The following SOS1 variants were observed in gnomAD, a reference collection of about 807,000 sequenced individuals.
SOS1 encodes son of sevenless homolog 1.
SOS1 carries 25 observed loss-of-function variants against 157.6 expected under a neutral mutation model. The observed-to-expected ratio is 0.16, with a 90% CI of 0.12 to 0.22. SOS1 has a LOEUF of 0.22. Among genes scored for constraint, SOS1 ranks in the 10% least tolerant of loss-of-function variants. The pLI, the probability that SOS1 is intolerant of heterozygous loss-of-function variation, is 1.00. For synonymous variants in SOS1, 528 were observed against 534.0 expected (o/e 0.99, Z 0.16); for missense variants, 1,237 against 1,599.1 (o/e 0.77, Z 3.86).
intron 1 of SOS1, among the ~76,000 whole-genome samples, chr2:39,090,317 A>T (rs1362501203): frequency 4.6e-5 from 7 of 152,058 alleles, no homozygotes; most frequent in African/African-American, 1.7e-4. Context: ...CTCTATGATC[A>T]TTTCTCTTCT....
chr2:39,074,978 G>A (rs566997055), intron 1 of SOS1, among the ~76,000 whole-genome samples: 1 of 152,140 alleles, frequency 6.6e-6, no homozygotes, highest in South Asian at 2.1e-4. Context: ...ACTGGAAGGC[G>A]CAGGTTGTAT....
At chr2:39,111,459 A>G (rs993778702) in intron 1 of SOS1, among the ~76,000 whole-genome samples, 2 of 152,244 alleles carry the variant, frequency 1.3e-5, no homozygotes, top group African/African-American at 4.8e-5. Flanking sequence ...AAAATGAAGT[A>G]CAAAGTTTCT....
At chr2:39,049,197 C>T (rs1460348380) in intron 6 of SOS1, among the ~76,000 whole-genome samples, 2 of 152,318 alleles carry the variant, frequency 1.3e-5, no homozygotes, top group East Asian at 1.9e-4. Context: ...GGATTACAGG[C>T]GTGAGCCACC....
chr2:38,997,044 A>G lies in SOS1; in HGVS notation c.2965-6T>C. Reference sequence around the variant, plus strand: ...TTCAAGTTTTCAAAGAACCTCTAAAATAAATGCAAAGAAAAAATTATTAAT... The same window carrying G: ...TTCAAGTTTTCAAAGAACCTCTAAAGTAAATGCAAAGAAAAAATTATTAAT... On this transcript the variant is annotated splice_region_variant and splice_polypyrimidine_tract_variant and intron_variant, in intron 18 of 22. Coordinates refer to ENST00000402219, the MANE Select transcript of SOS1 (RefSeq NM_005633.4). 2 of 1,413,364 alleles carry G rather than the reference A, an allele frequency of 1.4e-6. No individual in the cohort carries two copies. The highest frequency in any genetic ancestry group is 2.0e-6 in the Non-Finnish European group (2 of 1,002,206). The allele number at this position is 1,413,364 out of a possible 1,614,324, so 87.6% of individuals were successfully genotyped here.
Position 39,013,759 on chromosome 2 carries a change from C to T in SOS1, c.2063+108G>A, listed in dbSNP as rs540475730. 4.0e-6 allele frequency: 4 copies of T among 1,001,150 alleles called. No homozygotes were observed. The Admixed American group carries it at 7.6e-5, about 19-fold the overall frequency. The allele number at this position is 1,001,150 out of a possible 1,614,324, so 62.0% of individuals were successfully genotyped here. A position where few individuals can be genotyped will look rare whatever the true frequency, so the allele number is the denominator to read the frequency against. The stretch of plus-strand genomic sequence containing the variant: ...TGCTCTAATTAGTAAATTTAATTTA[C>T]TAATTTTATTGTCACCCCTCTCCTT... On this transcript the variant is annotated intron_variant, in intron 12 of 22. Transcript: ENST00000402219.
chr2:39,023,567 A>G (rs1332788522), intron 9 of SOS1, among the ~76,000 whole-genome samples: 3 of 152,158 alleles, frequency 2.0e-5, no homozygotes, highest in Non-Finnish European at 4.4e-5. Flanking sequence ...ATTAAAATAA[A>G]TTATTTAGAA....
intron 6 of SOS1, 71 bp downstream of exon 6, chr2:39,051,073 T>C: frequency 7.2e-7 from 1 of 1,386,308 alleles, no homozygotes; most frequent in Non-Finnish European, 1.0e-6. Flanking sequence ...TGGAAAGAAG[T>C]AAGACTCTCA....
chr2:39,107,032 T>C (rs1265241892), intron 1 of SOS1, among the ~76,000 whole-genome samples: 1 of 152,228 alleles, frequency 6.6e-6, no homozygotes, highest in Non-Finnish European at 1.5e-5. Context: ...GTACCATTAA[T>C]TTCAATGAAA....
chr2:39,075,594 A>AGGAGTCCGAGAAGTCTT (rs1475891499), intron 1 of SOS1, among the ~76,000 whole-genome samples: 20 of 151,980 alleles, frequency 1.3e-4, no homozygotes, highest in Admixed American at 1.1e-3. Context: ...ACCTGAGTCT[A>AGGAGTCCGAGAAGTCTT]GGAGTCCGAG....
chr2:39,050,862 T>G (rs942871411), intron 6 of SOS1, among the ~76,000 whole-genome samples: 1 of 152,204 alleles, frequency 6.6e-6, no homozygotes, highest in South Asian at 2.1e-4. Flanking sequence ...TAGTCATTCA[T>G]TGACATTTCT....
chr2:39,005,516 A>G (rs1248849899), intron 17 of SOS1, among the ~76,000 whole-genome samples: 2 of 152,112 alleles, frequency 1.3e-5, no homozygotes, highest in African/African-American at 4.8e-5. Flanking sequence ...AAAATATAAG[A>G]TATGATAAGT....
intron 2 of SOS1, among the ~76,000 whole-genome samples, chr2:39,063,366 GC>G (rs1409162275): frequency 2.0e-5 from 3 of 152,118 alleles, no homozygotes; most frequent in African/African-American, 7.2e-5. Context: ...TTAGTTATAT[GC>G]AAATACTATG....
At chr2:39,073,645 G>A (rs923054065) in intron 1 of SOS1, among the ~76,000 whole-genome samples, 4 of 152,114 alleles carry the variant, frequency 2.6e-5, no homozygotes, top group Non-Finnish European at 5.9e-5. Flanking sequence ...AACTTTATTG[G>A]CTATTATTGC....
intron 3 of SOS1, among the ~76,000 whole-genome samples, chr2:39,057,812 G>T (rs1671264321): frequency 6.6e-6 from 1 of 152,010 alleles, no homozygotes; most frequent in South Asian, 2.1e-4. Context: ...TCAAAGAACT[G>T]AATGCAAAAT....
At chr2:39,090,894 A>T (rs1672568771) in intron 1 of SOS1, among the ~76,000 whole-genome samples, 1 of 151,964 alleles carries the variant, frequency 6.6e-6, no homozygotes, top group African/African-American at 2.4e-5. Context: ...TTTGAAACAG[A>T]GTCTCATTCT....
At chr2:39,091,885 G>A in intron 1 of SOS1, among the ~76,000 whole-genome samples, 1 of 152,070 alleles carries the variant, frequency 6.6e-6, no homozygotes, top group East Asian at 1.9e-4. Context: ...TCTCCTAATG[G>A]TTTACTCCAA....
At position 38,995,249 on chromosome 2, in the gene SOS1, C is replaced by T; in HGVS notation, c.3220G>A (p.Glu1074Lys). 6.2e-7 allele frequency: 1 copy of T among 1,614,092 alleles called. No homozygotes were observed. The highest frequency in any genetic ancestry group is 8.5e-7 in the Non-Finnish European group (1 of 1,179,986). The change falls in exon 20 of 23, where the codon GAA (glutamate) becomes AAA (lysine). Residue 1074 changes from glutamate (E) to lysine (K), a missense_variant. Coordinates refer to ENST00000402219, the MANE Select transcript of SOS1 (RefSeq NM_005633.4). ...SYSRIPESET[E>K]STASAPNSPR... The stretch of plus-strand genomic sequence containing the variant: ...GAATTTGGTGCAGATGCTGTACTTT[C>T]TGTTTCACTTTCAGGGATCCTACTA...
In SOS1 at chr2:39,092,388, T is replaced by C. The variant is rs181274298; in HGVS notation, c.88-24635A>G. The stretch of plus-strand genomic sequence containing the variant: ...CTCCTCCACCAGATTTTTTGCATTA[T>C]TGGCTGCTTCTGAACATTCTGGTCT... On this transcript the variant is annotated intron_variant, in intron 1 of 22. Transcript: ENST00000402219. Among the ~76,000 whole-genome samples the C allele has an allele frequency of 6.1e-4, 93 of 152,288 alleles. 1 individual carries two copies. The highest frequency in any genetic ancestry group is 2.1e-3 in the African/African-American group (87 of 41,560).
chr2:39,078,682 G>A (rs1481913048), intron 1 of SOS1, among the ~76,000 whole-genome samples: 1 of 152,148 alleles, frequency 6.6e-6, no homozygotes, highest in Non-Finnish European at 1.5e-5. Flanking sequence ...AATGCCTGGT[G>A]ATCTGAGGTG....
Sources: allele counts gnomAD v4.1 joint callset (sites outside exome capture counted in the v4.1 genomes callset), GRCh38; gene constraint gnomAD v4.1.1; transcripts MANE v1.5; gene names NCBI Gene and HGNC (gene_info 2026-07-23, HGNC 2026-07-21).